KIAA1671: variants seen among roughly 807,000 people sequenced by gnomAD.
The protein encoded by KIAA1671 is KIAA1671, also known as uncharacterized protein KIAA1671.
A neutral mutation model predicts 131.2 loss-of-function variants in KIAA1671; 52 were observed. The ratio of observed to expected loss-of-function variants is 0.40; its 90% confidence interval spans 0.32 to 0.50. The LOEUF (loss-of-function observed/expected upper bound fraction) is 0.50. Ranked by LOEUF, KIAA1671 falls within the 20% of genes least tolerant of loss-of-function variation. KIAA1671 has a pLI of 0.73. For synonymous variants in KIAA1671, 1,003 were observed against 961.6 expected (o/e 1.04, Z -0.80); for missense variants, 2,360 against 2,364.2 (o/e 1.00, Z 0.04).
intron 1 of KIAA1671, among the ~76,000 whole-genome samples, chr22:25,002,994 A>G (rs978682299): frequency 2.6e-5 from 4 of 151,668 alleles, no homozygotes; most frequent in African/African-American, 9.7e-5. Flanking sequence ...CTGGTCTCGA[A>G]CTCCTGAGCT....
intron 1 of KIAA1671, among the ~76,000 whole-genome samples, chr22:25,005,223 G>A (rs1032187046): frequency 6.8e-6 from 1 of 146,798 alleles, no homozygotes; most frequent in African/African-American, 2.5e-5. Flanking sequence ...TGGCGCGCAC[G>A]TGTAGTCCCA....
intron 11 of KIAA1671, among the ~76,000 whole-genome samples, chr22:25,187,258 C>A (rs1934505299): frequency 1.3e-5 from 2 of 152,324 alleles, no homozygotes; most frequent in Admixed American, 1.3e-4. Flanking sequence ...AAAGCAGTGA[C>A]TGTAGAAAAT....
intron 6 of KIAA1671, among the ~76,000 whole-genome samples, chr22:25,074,562 T>A (rs1477738138): frequency 2.0e-5 from 3 of 148,908 alleles, no homozygotes; most frequent in Non-Finnish European, 4.4e-5. Context: ...TGTGTATATA[T>A]ATGTATATAT....
intron 1 of KIAA1671, among the ~76,000 whole-genome samples, chr22:25,002,861 C>G (rs1924550156): frequency 6.6e-6 from 1 of 151,910 alleles, no homozygotes; most frequent in Admixed American, 6.6e-5. Flanking sequence ...CTAGGTGCAA[C>G]TGCCTCTTCC....
At chr22:25,092,602 G>A (rs1357800079) in intron 6 of KIAA1671, among the ~76,000 whole-genome samples, 2 of 152,176 alleles carry the variant, frequency 1.3e-5, no homozygotes, top group African/African-American at 4.8e-5. Flanking sequence ...GAGGCCAGTG[G>A]CAGTGGGGAC....
At chr22:25,072,654 C>T (rs1199751153) in intron 6 of KIAA1671, among the ~76,000 whole-genome samples, 1 of 152,140 alleles carries the variant, frequency 6.6e-6, no homozygotes, top group African/African-American at 2.4e-5. Context: ...CTGAGGAAGC[C>T]CCGTGGCCTT....
At chr22:25,180,146 G>A (rs6004463) in intron 9 of KIAA1671, among the ~76,000 whole-genome samples, 3,197 of 146,994 alleles carry the variant, frequency 0.022, 48 homozygotes, top group Middle Eastern at 0.059. Flanking sequence ...GGGAATAGCA[G>A]GATATGCTGG....
chr22:25,055,975 C>T (rs1927821098), intron 6 of KIAA1671: 1 of 148,954 alleles, frequency 6.7e-6, no homozygotes, highest in African/African-American at 2.4e-5. Flanking sequence ...CCCACCTCAG[C>T]TTCCCAAGTA....
intron 6 of KIAA1671, among the ~76,000 whole-genome samples, chr22:25,129,718 C>A (rs976222676): frequency 1.3e-5 from 2 of 149,798 alleles, no homozygotes; most frequent in Admixed American, 6.7e-5. Context: ...AGTGCAGTGG[C>A]ATGATCTTAG....
At position 24,983,346 on chromosome 22, in the gene KIAA1671, C is replaced by T. The variant is rs112849898; in HGVS notation, c.-208+30574C>T. ...TTCTTCTTCAGCTTCCAGTGGCTTC[C>T]GGCAATTGTTGGCGTTTTTTGGCTT... is the stretch of plus-strand genomic sequence containing the variant. On this transcript the variant is annotated intron_variant, in intron 1 of 12. Coordinates refer to ENST00000358431, the MANE Select transcript of KIAA1671 (RefSeq NM_001145206.2). Among the ~76,000 whole-genome samples, 1,232 of 152,176 alleles carry T rather than the reference C, an allele frequency of 8.1e-3. 21 individuals are homozygous for T. Among genetic ancestry groups the T allele is most frequent in the African/African-American group, 0.026 (1,094 of 41,512 alleles).
chr22:25,039,516 G>A lies in KIAA1671; in HGVS notation c.2386G>A (p.Ala796Thr), dbSNP rs1386385096. 4.5e-6 allele frequency: 7 copies of A among 1,551,728 alleles called. No individual in the cohort carries two copies. In the African/African-American group the frequency reaches 6.8e-5, roughly 15 times the overall value. The change falls in exon 5 of 13, where the codon GCC (alanine) becomes ACC (threonine). Residue 796 changes from alanine (A) to threonine (T), a missense_variant. Physicochemically the swap from Ala to Thr is moderately conservative, Grantham distance 58 (BLOSUM62 0). This residue lies in a region of KIAA1671 where 1,185 missense variants were observed against 1,126.2 expected (regional missense o/e 1.05). Transcript: ENST00000358431. ...LEGQAGSVQR[A>T]SLIWEARGMP... is the part of the protein sequence containing the mutation. Reference sequence around the variant, plus strand: ...AGGTCAGGCGGGGTCCGTCCAAAGGGCCAGTTTGATTTGGGAAGCTCGAGG... The same window carrying A: ...AGGTCAGGCGGGGTCCGTCCAAAGGACCAGTTTGATTTGGGAAGCTCGAGG...
intron 6 of KIAA1671, among the ~76,000 whole-genome samples, chr22:25,067,958 G>C (rs920765770): frequency 1.3e-5 from 2 of 152,268 alleles, no homozygotes; most frequent in African/African-American, 4.8e-5. Context: ...GCAGCGCCAG[G>C]GGTACAGCCA....
chr22:24,978,731 T>C (rs1405326314), intron 1 of KIAA1671, among the ~76,000 whole-genome samples: 1 of 152,226 alleles, frequency 6.6e-6, no homozygotes, highest in Non-Finnish European at 1.5e-5. Context: ...TCACCCAGGC[T>C]GGAATGCAGT....
At chr22:25,178,917 T>C (rs888779743) in intron 9 of KIAA1671, among the ~76,000 whole-genome samples, 3 of 152,190 alleles carry the variant, frequency 2.0e-5, no homozygotes, top group Non-Finnish European at 4.4e-5. Flanking sequence ...CCTCGCCTGC[T>C]GGCCAGGGGC....
chr22:25,042,721 C>G (rs1927009671), intron 5 of KIAA1671, among the ~76,000 whole-genome samples: 1 of 152,000 alleles, frequency 6.6e-6, no homozygotes. Flanking sequence ...GATCCGCCCA[C>G]CTTGACCTCC....
Position 25,040,356 on chromosome 22 carries a change from C to T in KIAA1671, c.3226C>T (p.His1076Tyr). 6.4e-7 allele frequency: 1 copy of T among 1,551,786 alleles called. No individual in the cohort carries two copies. Among genetic ancestry groups the T allele is most frequent in the Middle Eastern group, 1.7e-4 (1 of 5,992 alleles). Residue 1076 changes from histidine to tyrosine, a missense_variant, in exon 5 of 13, where the codon CAT (histidine) becomes TAT (tyrosine). Physicochemically the swap from His to Tyr is moderately conservative, Grantham distance 83 (BLOSUM62 2). Coordinates refer to ENST00000358431, the MANE Select transcript of KIAA1671 (RefSeq NM_001145206.2). ...AACATCCACTTTGGTTTCTCTTGGTCATGAAGAGGCATTGGAGATGGCAGG... is the reference window on the plus strand; with the variant it reads ...AACATCCACTTTGGTTTCTCTTGGTTATGAAGAGGCATTGGAGATGGCAGG... Reference protein sequence around the residue: ...SLTSTLVSLGHEEALEMAGSK... With the variant: ...SLTSTLVSLGYEEALEMAGSK...
chr22:25,130,608 G>A (rs1378202310), intron 6 of KIAA1671, among the ~76,000 whole-genome samples: 2 of 152,216 alleles, frequency 1.3e-5, no homozygotes, highest in African/African-American at 4.8e-5. Context: ...CATCCTGTGA[G>A]GGGCGGGGGA....
intron 6 of KIAA1671, among the ~76,000 whole-genome samples, chr22:25,105,031 CT>C (rs75088120): frequency 0.046 from 6,846 of 148,910 alleles, 435 homozygotes; most frequent in Admixed American, 0.17. Context: ...CCTTCCTTTT[CT>C]TTTTTTTTTG....
At position 25,129,393 on chromosome 22, in the gene KIAA1671, G is replaced by C. The variant is rs1049692713; in HGVS notation, c.4531-41427G>C. Among the ~76,000 whole-genome samples the C allele has an allele frequency of 3.2e-4, 48 of 151,886 alleles. 1 individual carries two copies. Among genetic ancestry groups the C allele is most frequent in the Admixed American group, 2.8e-3 (42 of 15,242 alleles). On this transcript the variant is annotated intron_variant, in intron 6 of 12. Transcript: ENST00000358431. ...ATGGTGTCATGCACCTGTAATACCA[G>C]CTACTCGGAAGGCTGAGGCAGGCGA...
Sources: allele counts gnomAD v4.1 joint callset (sites outside exome capture counted in the v4.1 genomes callset), GRCh38; gene constraint gnomAD v4.1.1; regional missense constraint gnomAD v4.1.1; transcripts MANE v1.5; gene names NCBI Gene and HGNC (gene_info 2026-07-23, HGNC 2026-07-21).